FAM171A1: variants seen among roughly 807,000 people sequenced by gnomAD.
The protein encoded by FAM171A1 is protein FAM171A1.
In FAM171A1, 23 loss-of-function variants were observed where a neutral mutation model predicts 74.9. That is an observed-to-expected ratio of 0.31 (90% CI 0.22 to 0.44). The LOEUF is 0.44. Among genes scored for constraint, FAM171A1 ranks in the 20% least tolerant of loss-of-function variants. The probability of loss-of-function intolerance (pLI) is 1.00; values close to 1 mark genes in which losing one functional copy is unlikely to be tolerated. For missense variants in FAM171A1, 1,162 were observed against 1,159.2 expected (o/e 1.00, Z -0.03); for synonymous variants, 527 against 505.7 (o/e 1.04, Z -0.57).
intron 1 of FAM171A1, among the ~76,000 whole-genome samples, chr10:15,321,845 C>T (rs374521481): frequency 2.6e-4 from 40 of 152,346 alleles, no homozygotes; most frequent in African/African-American, 9.4e-4. Flanking sequence ...GATAGAAATT[C>T]ACCTAATAGT....
At chr10:15,240,562 A>C (rs1489873119) in intron 5 of FAM171A1, among the ~76,000 whole-genome samples, 1 of 152,230 alleles carries the variant, frequency 6.6e-6, no homozygotes, top group East Asian at 1.9e-4. Context: ...TTGTTCCAAA[A>C]GAAAAAAATT....
At chr10:15,311,102 T>C (rs149599813) in intron 1 of FAM171A1, among the ~76,000 whole-genome samples, 141 of 152,334 alleles carry the variant, frequency 9.3e-4, no homozygotes, top group Non-Finnish European at 1.6e-3. Context: ...TACAGCCTGA[T>C]AGGCCCACCC....
intron 6 of FAM171A1, among the ~76,000 whole-genome samples, chr10:15,217,914 A>G (rs1833986951): frequency 6.6e-6 from 1 of 152,112 alleles, no homozygotes; most frequent in Admixed American, 6.6e-5. Context: ...TACAGGCATG[A>G]GCCACCGCAC....
intron 4 of FAM171A1, among the ~76,000 whole-genome samples, chr10:15,249,149 T>G (rs1213841997): frequency 6.9e-6 from 1 of 144,716 alleles, no homozygotes; most frequent in Non-Finnish European, 1.5e-5. Context: ...CAGGCTGGAG[T>G]GCGATGGCAC....
intron 1 of FAM171A1, among the ~76,000 whole-genome samples, chr10:15,322,562 A>G (rs1835499444): frequency 6.6e-6 from 1 of 152,200 alleles, no homozygotes; most frequent in Non-Finnish European, 1.5e-5. Flanking sequence ...ACTGATCTCC[A>G]GCTGGTACTA....
At chr10:15,264,727 G>A (rs1163915425) in intron 3 of FAM171A1, among the ~76,000 whole-genome samples, 2 of 152,102 alleles carry the variant, frequency 1.3e-5, no homozygotes, top group Non-Finnish European at 2.9e-5. Context: ...AGGGTGCAGT[G>A]AGCTGAGATC....
chr10:15,328,363 C>T (rs1055335536), intron 1 of FAM171A1, among the ~76,000 whole-genome samples: 5 of 152,136 alleles, frequency 3.3e-5, no homozygotes. Context: ...GAAGGCTGGT[C>T]TTGGACTCCT....
At chr10:15,233,004 G>GT (rs907960238) in intron 5 of FAM171A1, among the ~76,000 whole-genome samples, 18 of 152,184 alleles carry the variant, frequency 1.2e-4, no homozygotes, top group African/African-American at 4.3e-4. Flanking sequence ...TAAAAACATT[G>GT]TTTTTTCAGG....
At chr10:15,343,623 A>T (rs1835789128) in intron 1 of FAM171A1, among the ~76,000 whole-genome samples, 1 of 152,142 alleles carries the variant, frequency 6.6e-6, no homozygotes, top group African/African-American at 2.4e-5. Context: ...AGTGACCTGT[A>T]TAAAGGCAGG....
chr10:15,351,584 GATGGATGGATGC>G (rs1354804874), intron 1 of FAM171A1, among the ~76,000 whole-genome samples: 9 of 151,020 alleles, frequency 6.0e-5, no homozygotes, highest in Admixed American at 5.9e-4. Context: ...TGGATGGATG[GATGGATGGATGC>G]ATGGATGGAT....
intron 1 of FAM171A1, among the ~76,000 whole-genome samples, chr10:15,298,545 T>C (rs1835188788): frequency 6.6e-6 from 1 of 152,112 alleles, no homozygotes; most frequent in African/African-American, 2.4e-5. Context: ...TCCAAAATAT[T>C]TAAACTAATT....
intron 5 of FAM171A1, among the ~76,000 whole-genome samples, chr10:15,243,043 G>C (rs1834382327): frequency 6.6e-6 from 1 of 152,190 alleles, no homozygotes. Context: ...CTGGAGGTCA[G>C]AGGTCCAAAA....
rs562250879 is a variant in FAM171A1, at chr10:15,268,466, T to C, written c.418+7389A>G. Among the ~76,000 whole-genome samples, 4 of 152,214 alleles carry C rather than the reference T, an allele frequency of 2.6e-5. No homozygotes were observed. The East Asian group carries it at 5.8e-4, about 22-fold the overall frequency. On this transcript the variant is annotated intron_variant, in intron 3 of 7. Coordinates refer to ENST00000378116, the MANE Select transcript of FAM171A1 (RefSeq NM_001010924.2). ...TTCCTCGAGTTTTGGCCTGAGTTTA[T>C]AGTGGTATCAACTTAGGTAGACGTT...
At chr10:15,318,395 A>C (rs754989237) in intron 1 of FAM171A1, among the ~76,000 whole-genome samples, 2 of 152,204 alleles carry the variant, frequency 1.3e-5, no homozygotes, top group African/African-American at 2.4e-5. Flanking sequence ...TGCACCAAGA[A>C]GGGGTCACGA....
chr10:15,279,811 G>A (rs533076906), intron 2 of FAM171A1, among the ~76,000 whole-genome samples: 7 of 152,224 alleles, frequency 4.6e-5, no homozygotes, highest in Admixed American at 1.3e-4. Flanking sequence ...CCAGCTACTC[G>A]GGAGGCTGAG....
intron 1 of FAM171A1, among the ~76,000 whole-genome samples, chr10:15,315,664 C>T (rs907993812): frequency 3.3e-5 from 5 of 152,188 alleles, no homozygotes; most frequent in Admixed American, 1.3e-4. Flanking sequence ...TCTCACTAAT[C>T]GAGATCACAG....
At chr10:15,248,562 A>G in intron 5 of FAM171A1, 77 bp downstream of exon 5, 2 of 1,451,418 alleles carry the variant, frequency 1.4e-6, no homozygotes, top group East Asian at 2.4e-5. Context: ...GGAGACTTCC[A>G]TGAGCTTCTT....
At chr10:15,265,933 T>A (rs1387863284) in intron 3 of FAM171A1, among the ~76,000 whole-genome samples, 1 of 151,748 alleles carries the variant, frequency 6.6e-6, no homozygotes, top group Non-Finnish European at 1.5e-5. Context: ...ATAAGGGAGG[T>A]GAGGACCTGT....
At chr10:15,306,044 C>T (rs184858219) in intron 1 of FAM171A1, among the ~76,000 whole-genome samples, 5 of 152,250 alleles carry the variant, frequency 3.3e-5, no homozygotes, top group Admixed American at 3.3e-4. Context: ...GCAAAGGAAT[C>T]GCACAAATAG....
Sources: allele counts gnomAD v4.1 joint callset (sites outside exome capture counted in the v4.1 genomes callset), GRCh38; gene constraint gnomAD v4.1.1; transcripts MANE v1.5; gene names NCBI Gene and HGNC (gene_info 2026-07-23, HGNC 2026-07-21).